The following CNTN1 variants were observed in gnomAD, a reference collection of about 807,000 sequenced individuals.
CNTN1 encodes the protein contactin-1.
In CNTN1, 38 loss-of-function variants were observed where a neutral mutation model predicts 126.4. The observed-to-expected ratio is 0.30, with a 90% CI of 0.23 to 0.39. CNTN1 has a LOEUF of 0.39. Ranked by LOEUF, CNTN1 falls within the 10% of genes least tolerant of loss-of-function variation. The pLI, the probability that CNTN1 is intolerant of heterozygous loss-of-function variation, is 1.00. For synonymous variants in CNTN1, 413 were observed against 422.6 expected, an observed-to-expected ratio of 0.98 and a Z score of 0.28; for missense variants, 1,009 against 1,248.4, an observed-to-expected ratio of 0.81 and a Z score of 2.89.
intron 17 of CNTN1, among the ~76,000 whole-genome samples, chr12:41,010,368 T>C (rs1948615844): frequency 6.6e-6 from 1 of 152,212 alleles, no homozygotes; most frequent in East Asian, 1.9e-4. Flanking sequence ...CACTCTTTCT[T>C]AAAGTGCCCT....
At chr12:40,799,921 A>G (rs1940582316) in intron 1 of CNTN1, among the ~76,000 whole-genome samples, 1 of 152,036 alleles carries the variant, frequency 6.6e-6, no homozygotes, top group African/African-American at 2.4e-5. Flanking sequence ...TTGGCTATGG[A>G]CAAACAATAA....
At position 40,789,498 on chromosome 12, in the gene CNTN1, C is replaced by A. The variant is rs1315070867; in HGVS notation, c.-77+96906C>A. 7.9e-5 allele frequency among the ~76,000 whole-genome samples: 2 copies of A among 25,332 alleles called. 1 individual carries two copies. 16.6% of individuals were successfully genotyped at this position (25,332 alleles called of 152,430 possible). A position where few individuals can be genotyped will look rare whatever the true frequency, so the allele number is the denominator to read the frequency against. On this transcript the variant is annotated intron_variant, in intron 1 of 23. Transcript: ENST00000551295. ...TCCTTATTTGGCAAAAAGGGGATGACAATGAAAAGATCATTATAAGGATTA... is the reference window on the plus strand; with the variant it reads ...TCCTTATTTGGCAAAAAGGGGATGAAAATGAAAAGATCATTATAAGGATTA...
intron 15 of CNTN1, chr12:40,972,786 G>A (rs1009286617): frequency 3.2e-6 from 1 of 314,118 alleles, no homozygotes; most frequent in East Asian, 1.7e-4. Context: ...GCACCATGGA[G>A]ACATGTATGA....
rs756040608 is a variant in CNTN1 at position 41,025,267 on chromosome 12, G to A, written c.2641G>A (p.Val881Ile). The change falls in exon 21 of 24, where the codon GTC (valine) becomes ATC (isoleucine). Residue 881 changes from valine to isoleucine, a missense_variant. Transcript: ENST00000551295. ...GCCAGACACCCAGTATTTTATAGAA[G>A]TCGGGGCCTGCAATAGTGCAGGGTG... ...LLPDTQYFIE[V>I]GACNSAGCGP... 1.2e-6 allele frequency: 2 copies of A among 1,613,930 alleles called. No individual in the cohort carries two copies. The highest frequency in any genetic ancestry group is 2.2e-5 in the South Asian group (2 of 91,070).
intron 1 of CNTN1, among the ~76,000 whole-genome samples, chr12:40,840,421 A>T (rs1942230404): frequency 1.3e-5 from 2 of 152,084 alleles, no homozygotes; most frequent in African/African-American, 4.8e-5. Flanking sequence ...CACTCTCAGC[A>T]TTAGGCAGAT....
intron 1 of CNTN1, among the ~76,000 whole-genome samples, chr12:40,757,614 C>A (rs1462825475): frequency 6.6e-6 from 1 of 152,130 alleles, no homozygotes; most frequent in Non-Finnish European, 1.5e-5. Flanking sequence ...GTTTCAGCTT[C>A]CACTATGCTG....
At chr12:40,938,650 C>T (rs1309754829) in intron 11 of CNTN1, among the ~76,000 whole-genome samples, 1 of 152,172 alleles carries the variant, frequency 6.6e-6, no homozygotes, top group Non-Finnish European at 1.5e-5. Context: ...GACCATATGT[C>T]AGTGTGTATA....
intron 17 of CNTN1, among the ~76,000 whole-genome samples, chr12:41,006,976 A>T (rs923128072): frequency 6.7e-6 from 1 of 149,574 alleles, no homozygotes; most frequent in Non-Finnish European, 1.5e-5. Context: ...AGTTTGAAGG[A>T]GAGAGAAAAA....
intron 1 of CNTN1, among the ~76,000 whole-genome samples, chr12:40,727,867 G>T (rs1271680841): frequency 6.6e-6 from 1 of 152,186 alleles, no homozygotes; most frequent in Non-Finnish European, 1.5e-5. Flanking sequence ...ATAGAATAAT[G>T]CATTTGAGTG....
intron 14 of CNTN1, among the ~76,000 whole-genome samples, chr12:40,948,943 G>C (rs1197291387): frequency 6.6e-6 from 1 of 152,196 alleles, no homozygotes; most frequent in East Asian, 1.9e-4. Context: ...TATGCTAGGT[G>C]TGTGTTTGCA....
chr12:40,856,293 A>G (rs776959174), intron 1 of CNTN1, among the ~76,000 whole-genome samples: 33 of 152,262 alleles, frequency 2.2e-4, no homozygotes, highest in South Asian at 1.7e-3. Flanking sequence ...AAAAAGTGGA[A>G]AGACATTAGA....
At chr12:41,051,093 ATCAG>A (rs1042510895) in intron 23 of CNTN1, among the ~76,000 whole-genome samples, 6 of 151,818 alleles carry the variant, frequency 4.0e-5, no homozygotes, top group African/African-American at 1.5e-4. Context: ...CTATGAATCA[ATCAG>A]TCCAAACCTT....
chr12:40,714,613 T>C (rs1187471657), intron 1 of CNTN1, among the ~76,000 whole-genome samples: 6 of 152,140 alleles, frequency 3.9e-5, no homozygotes. Context: ...CTTGAACTGA[T>C]TACCTTGTAA....
chr12:40,711,818 T>G (rs1474867081), intron 1 of CNTN1, among the ~76,000 whole-genome samples: 1 of 152,148 alleles, frequency 6.6e-6, no homozygotes, highest in African/African-American at 2.4e-5. Context: ...GCTCAAGTGA[T>G]CCTCCCATCT....
chr12:40,953,611 CA>C (rs1946764790), intron 14 of CNTN1, among the ~76,000 whole-genome samples: 1 of 152,068 alleles, frequency 6.6e-6, no homozygotes, highest in African/African-American at 2.4e-5. Context: ...CTGCTTTATG[CA>C]AGTGGGCTTA....
chr12:40,800,330 T>A (rs1940598713), intron 1 of CNTN1, among the ~76,000 whole-genome samples: 1 of 151,980 alleles, frequency 6.6e-6, no homozygotes, highest in Non-Finnish European at 1.5e-5. Flanking sequence ...AATGCAGAAC[T>A]GTGAGTCAAT....
intron 6 of CNTN1, among the ~76,000 whole-genome samples, chr12:40,928,073 TG>T (rs926124101): frequency 6.6e-6 from 1 of 152,100 alleles, no homozygotes; most frequent in Non-Finnish European, 1.5e-5. Context: ...ATGCATTTTG[TG>T]GGCAGTATCT....
At chr12:40,976,768 T>C (rs1226944576) in intron 15 of CNTN1, among the ~76,000 whole-genome samples, 5 of 152,140 alleles carry the variant, frequency 3.3e-5, no homozygotes, top group Non-Finnish European at 7.4e-5. Context: ...ACCTTCCTGC[T>C]GAGAGACACT....
At chr12:40,781,155 G>C (rs183873883) in intron 1 of CNTN1, among the ~76,000 whole-genome samples, 113 of 152,070 alleles carry the variant, frequency 7.4e-4, no homozygotes, top group African/African-American at 2.6e-3. Flanking sequence ...TGGGACATAA[G>C]CTATGACTAT....
Sources: gnomAD v4.1 joint callset for allele counts (sites outside exome capture counted in the v4.1 genomes callset) on GRCh38, gnomAD v4.1.1 for gene constraint, MANE v1.5 for transcripts, NCBI Gene and HGNC (gene_info 2026-07-23, HGNC 2026-07-21) for gene names.